C6orf163: variants seen among roughly 807,000 people sequenced by gnomAD.
C6orf163 encodes uncharacterized protein C6orf163.
A neutral mutation model predicts 28.4 loss-of-function variants in C6orf163; 22 were observed. That is an observed-to-expected ratio of 0.78 (90% CI 0.55 to 1.11). The LOEUF (loss-of-function observed/expected upper bound fraction) is 1.11, where lower values mean the gene tolerates loss of function less well. C6orf163 is among the 50% of genes least tolerant of loss of function. C6orf163 has a pLI of 0.00. For missense variants in C6orf163, 342 were observed against 389.1 expected, an observed-to-expected ratio of 0.88 and a Z score of 1.02; for synonymous variants, 110 against 123.6, an observed-to-expected ratio of 0.89 and a Z score of 0.73.
Position 87,344,859 on chromosome 6 carries a change from A to G in C6orf163, c.-241A>G. ...AGTCTGGGAAGGAGCAACTACTTAA[A>G]TCTTCCCAAATCTGGTGCCCATACC... is the stretch of plus-strand genomic sequence containing the variant. On this transcript the variant is annotated 5_prime_UTR_variant, in exon 1 of 5. Coordinates refer to ENST00000388923, the MANE Select transcript of C6orf163 (RefSeq NM_001010868.3). 1 of 326,140 alleles carries G rather than the reference A, an allele frequency of 3.1e-6. No homozygotes were observed. The highest frequency in any genetic ancestry group is 5.5e-6 in the Non-Finnish European group (1 of 180,492). 20.2% of individuals were successfully genotyped at this position (326,140 alleles called of 1,614,324 possible).
chr6:87,362,409 G>A lies in C6orf163; in HGVS notation c.555-2552G>A, dbSNP rs143210364. ...GAAGGATCACTTGAACCTGGGAGGC[G>A]GAGGTTGCAGTGAGCCAAGATGGTG... On this transcript the variant is annotated intron_variant, in intron 4 of 4. Transcript: ENST00000388923. Among the ~76,000 whole-genome samples, 8 of 152,214 alleles carry A rather than the reference G, an allele frequency of 5.3e-5. No homozygotes were observed. In the East Asian group the frequency reaches 9.6e-4, roughly 18 times the overall value.
chr6:87,349,969 AC>A (rs1305950836), intron 2 of C6orf163, among the ~76,000 whole-genome samples: 3 of 152,114 alleles, frequency 2.0e-5, no homozygotes, highest in African/African-American at 7.2e-5. Context: ...AATGTGGGGG[AC>A]CTGGATGGTA....
chr6:87,353,460 C>G (rs1454019067), intron 3 of C6orf163, among the ~76,000 whole-genome samples: 1 of 150,706 alleles, frequency 6.6e-6, no homozygotes, highest in Non-Finnish European at 1.5e-5. Flanking sequence ...AAAAAACAAA[C>G]ACAATCACTT....
chr6:87,355,074 C>A (rs1272823257), intron 3 of C6orf163, among the ~76,000 whole-genome samples: 1 of 152,154 alleles, frequency 6.6e-6, no homozygotes, highest in Admixed American at 6.5e-5. Flanking sequence ...AGAAAGAAAA[C>A]CCAGTGTACT....
Position 87,365,003 on chromosome 6 carries a change from T to G in C6orf163, c.597T>G (p.Ile199Met). 6.4e-7 allele frequency: 1 copy of G among 1,551,430 alleles called. No homozygotes were observed. ...EEIVNTGVTV[I>M]KDEKTSVARL... ...TTGTGAATACTGGTGTCACAGTTAT[T>G]AAGGATGAGAAGACCAGTGTGGCCC... Residue 199 changes from isoleucine (I) to methionine (M), a missense_variant, in exon 5 of 5, where the codon ATT becomes ATG. Ile to Met is a conservative substitution (Grantham distance 10, BLOSUM62 1). Transcript: ENST00000388923.
At chr6:87,348,469 T>C in intron 1 of C6orf163, 2 of 1,025,168 alleles carry the variant, frequency 2.0e-6, no homozygotes, top group South Asian at 7.9e-5. Context: ...GAGAGCTGTA[T>C]AATGTGCTAA....
rs890000242 is a variant in C6orf163, at chr6:87,345,293, T to C, written c.148+46T>C. The C allele has an allele frequency of 6.9e-6, 10 of 1,454,168 alleles. No homozygotes were observed. In the African/African-American group the frequency reaches 1.3e-4, roughly 19 times the overall value. 90.1% of individuals were successfully genotyped at this position (1,454,168 alleles called of 1,614,324 possible). A position where few individuals can be genotyped will look rare whatever the true frequency, so the allele number is the denominator to read the frequency against. Reference sequence around the variant, plus strand: ...CCTTTGTTCTAATGCTTCATAGCCTTATGTGTCATTCTTTCTGTTACATAG... The same window carrying C: ...CCTTTGTTCTAATGCTTCATAGCCTCATGTGTCATTCTTTCTGTTACATAG... On this transcript the variant is annotated intron_variant, in intron 1 of 4. Coordinates refer to ENST00000388923, the MANE Select transcript of C6orf163 (RefSeq NM_001010868.3).
intron 3 of C6orf163, among the ~76,000 whole-genome samples, chr6:87,353,592 A>G (rs1441442795): frequency 6.6e-6 from 1 of 151,916 alleles, no homozygotes; most frequent in Non-Finnish European, 1.5e-5. Context: ...GAAAAAAAAT[A>G]TTGATTCATA....
chr6:87,346,267 T>C (rs1180490562), intron 1 of C6orf163, among the ~76,000 whole-genome samples: 1 of 152,108 alleles, frequency 6.6e-6, no homozygotes. Context: ...AGAGCAGAGG[T>C]GTTTGGAAAA....
intron 1 of C6orf163, chr6:87,347,274 T>G: frequency 2.5e-6 from 1 of 405,454 alleles, no homozygotes; most frequent in Non-Finnish European, 3.3e-6. Context: ...TTGAGATTCA[T>G]CCAAGTTGTT....
At chr6:87,345,916 CAA>C (rs3044136) in intron 1 of C6orf163, among the ~76,000 whole-genome samples, 14 of 44,642 alleles carry the variant, frequency 3.1e-4, no homozygotes, top group South Asian at 9.3e-4. Context: ...GACTCTGCCT[CAA>C]AAAAAAAAAA....
Position 87,356,355 on chromosome 6 carries a change from A to AAG in C6orf163, c.413_414dup (p.His139SerfsTer17), listed in dbSNP as rs1441679440. 2 of 1,551,630 alleles carry AAG rather than the reference A, an allele frequency of 1.3e-6. No individual in the cohort carries two copies. On this transcript the variant is annotated frameshift_variant, in exon 4 of 5. Transcript: ENST00000388923. LOFTEE classifies it high-confidence loss of function. Reference sequence around the variant, plus strand: ...GTATCAAAACATGGATGACGAAATGAAGAGAGAGCACTTGGCTGCAGAACA... The same window carrying AAG: ...GTATCAAAACATGGATGACGAAATGAAGAGAGAGAGCACTTGGCTGCAGAACA...
intron 4 of C6orf163, among the ~76,000 whole-genome samples, chr6:87,360,121 G>A (rs1359742513): frequency 6.6e-6 from 1 of 152,162 alleles, no homozygotes; most frequent in South Asian, 2.1e-4. Context: ...TTCTGGCCCT[G>A]CTCCTCCTCT....
chr6:87,356,379 C>G lies in C6orf163; in HGVS notation c.430C>G (p.Gln144Glu), dbSNP rs548052169. ...EMKREHLAAE[Q>E]RMVHRIQRIM... Reference sequence around the variant, plus strand: ...GAAGAGAGAGCACTTGGCTGCAGAACAGCGCATGGTCCACAGAATCCAAAG... The same window carrying G: ...GAAGAGAGAGCACTTGGCTGCAGAAGAGCGCATGGTCCACAGAATCCAAAG... The change falls in exon 4 of 5, where the codon CAG (glutamine) becomes GAG (glutamate). Residue 144 changes from glutamine (Q) to glutamate (E), a missense_variant. By Grantham distance (29) the Gln-to-Glu change is conservative (BLOSUM62 2). Transcript: ENST00000388923. 1.4e-5 allele frequency: 21 copies of G among 1,551,654 alleles called. No homozygotes were observed. In the Admixed American group the frequency reaches 2.9e-4, roughly 22 times the overall value.
intron 1 of C6orf163, chr6:87,347,343 C>T (rs185517924): frequency 7.0e-4 from 668 of 952,294 alleles, no homozygotes; most frequent in Non-Finnish European, 8.1e-4. Context: ...TTGCAGGGAT[C>T]CTGTTGTACA....
At chr6:87,350,140 GCTGC>G (rs1777388492) in intron 2 of C6orf163, among the ~76,000 whole-genome samples, 1 of 152,194 alleles carries the variant, frequency 6.6e-6, no homozygotes, top group African/African-American at 2.4e-5. Context: ...ATACAGTAAA[GCTGC>G]CTTGCCTTTA....
intron 4 of C6orf163, among the ~76,000 whole-genome samples, chr6:87,363,325 C>T (rs1430956313): frequency 6.7e-6 from 1 of 149,054 alleles, no homozygotes; most frequent in Admixed American, 6.7e-5. Flanking sequence ...AAACTATTTT[C>T]TTTTTTTTTT....
At chr6:87,350,636 G>A (rs1777399383) in intron 3 of C6orf163, 135 bp downstream of exon 3, 1 of 608,018 alleles carries the variant, frequency 1.6e-6, no homozygotes, top group African/African-American at 1.9e-5. Context: ...GATCCCCTGG[G>A]AGGTTCTCAG....
At chr6:87,346,823 C>CT (rs1228187532) in intron 1 of C6orf163, among the ~76,000 whole-genome samples, 1 of 152,122 alleles carries the variant, frequency 6.6e-6, no homozygotes. Context: ...TTTAAATAAC[C>CT]TTTTTTATTT....
Sources: allele counts gnomAD v4.1 joint callset (sites outside exome capture counted in the v4.1 genomes callset), GRCh38; gene constraint gnomAD v4.1.1; transcripts MANE v1.5; gene names NCBI Gene and HGNC (gene_info 2026-07-23, HGNC 2026-07-21).